Variants in YWHAQ observed in about 807,000 individuals in gnomAD.
The protein encoded by YWHAQ is 14-3-3 protein theta.
A neutral mutation model predicts 28.3 loss-of-function variants in YWHAQ; 6 were observed. The ratio of observed to expected loss-of-function variants is 0.21; its 90% CI spans 0.12 to 0.42. The LOEUF (loss-of-function observed/expected upper bound fraction) is 0.42. Among genes scored for constraint, YWHAQ ranks in the 10% least tolerant of loss-of-function variants. The probability of loss-of-function intolerance (pLI) is 1.00; values close to 1 mark genes in which losing one functional copy is unlikely to be tolerated. For missense variants in YWHAQ, 201 were observed against 305.6 expected, an observed-to-expected ratio of 0.66 and a Z score of 2.55; for synonymous variants, 143 against 119.1, an observed-to-expected ratio of 1.20 and a Z score of -1.31.
At chr2:9,607,236 T>C (rs1666849056) in intron 2 of YWHAQ, among the ~76,000 whole-genome samples, 1 of 150,540 alleles carries the variant, frequency 6.6e-6, no homozygotes, top group Admixed American at 6.6e-5. Context: ...GGTTTTGCTC[T>C]GTTGCCCAGG....
At chr2:9,628,322 T>C (rs1667288164) in intron 2 of YWHAQ, among the ~76,000 whole-genome samples, 1 of 152,224 alleles carries the variant, frequency 6.6e-6, no homozygotes, top group Non-Finnish European at 1.5e-5. Context: ...TTGTCCCCAT[T>C]GAAATGGTCT....
intron 2 of YWHAQ, among the ~76,000 whole-genome samples, chr2:9,610,798 G>A (rs949905703): frequency 5.9e-5 from 9 of 152,072 alleles, no homozygotes; most frequent in Admixed American, 3.3e-4. Flanking sequence ...ATGAGCCACC[G>A]CACCCTGCCT....
At chr2:9,606,129 A>G (rs1034359155) in intron 2 of YWHAQ, among the ~76,000 whole-genome samples, 4 of 152,170 alleles carry the variant, frequency 2.6e-5, no homozygotes, top group Non-Finnish European at 2.9e-5. Flanking sequence ...ATTTCCAACT[A>G]TGCACCAAAT....
chr2:9,604,147 C>A (rs180888045), intron 2 of YWHAQ, among the ~76,000 whole-genome samples: 5 of 151,966 alleles, frequency 3.3e-5, no homozygotes, highest in Admixed American at 3.3e-4. Flanking sequence ...ACTGAGAGAA[C>A]GGGTATATAC....
chr2:9,597,951 C>T (rs942792897), intron 2 of YWHAQ, among the ~76,000 whole-genome samples: 18 of 145,360 alleles, frequency 1.2e-4, no homozygotes, highest in Admixed American at 2.1e-4. Context: ...TCCCGAGTAA[C>T]TGGGACTACA....
chr2:9,584,024 C>T lies in YWHAQ; in HGVS notation c.*1262G>A, dbSNP rs1383730142. On this transcript the variant is annotated 3_prime_UTR_variant, in exon 6 of 6. Coordinates refer to ENST00000238081, the MANE Select transcript of YWHAQ (RefSeq NM_006826.4). ...TTCCATATAACACTTAACCAGATAT[C>T]ATTTACATCTGAGGAAGAGATGGCC... 1.3e-5 allele frequency: 2 copies of T among 152,288 alleles called. No individual in the cohort carries two copies. Among genetic ancestry groups the T allele is most frequent in the Admixed American group, 6.5e-5 (1 of 15,284 alleles). The allele number at this position is 152,288 out of a possible 1,614,324, so 9.4% of individuals were successfully genotyped here. A position where few individuals can be genotyped will look rare whatever the true frequency, so the allele number is the denominator to read the frequency against.
chr2:9,587,330 C>T, intron 5 of YWHAQ, 84 bp downstream of exon 5: 1 of 1,222,658 alleles, frequency 8.2e-7, no homozygotes, highest in Non-Finnish European at 1.2e-6. Context: ...TATGTATCTT[C>T]CCTAAAAGAC....
At chr2:9,598,680 C>T (rs1274743498) in intron 2 of YWHAQ, among the ~76,000 whole-genome samples, 1 of 152,172 alleles carries the variant, frequency 6.6e-6, no homozygotes, top group African/African-American at 2.4e-5. Context: ...TACCAGAATG[C>T]ATGCCCACAC....
intron 2 of YWHAQ, among the ~76,000 whole-genome samples, chr2:9,628,380 G>GT: frequency 6.6e-6 from 1 of 152,042 alleles, no homozygotes; most frequent in Non-Finnish European, 1.5e-5. Context: ...CTCAAGCTAC[G>GT]TATCAACTAA....
rs1667336335 is a variant in YWHAQ, at chr2:9,630,254, G to C, written c.199C>G (p.Gln67Glu). The stretch of plus-strand genomic sequence containing the variant: ...TTCTTGTCGGAGGTGTCGGTCTTCT[G>C]CTCGATGCTAGAGATGACCCTCCAG... ...SAWRVISSIEQKTDTSDKKLQ... is the reference protein window; with the variant it reads ...SAWRVISSIEEKTDTSDKKLQ... Residue 67 changes from glutamine (Q) to glutamate (E), a missense_variant, in exon 2 of 6, where the codon CAG (glutamine) becomes GAG (glutamate). This residue lies in a region of YWHAQ where 162 missense variants were observed against 213.9 expected (regional missense o/e 0.76). Transcript: ENST00000238081. This position sits in a 1 kb window ranked among gnomAD's most constrained non-coding sequence, Gnocchi z 5.6. 6.2e-7 allele frequency: 1 copy of C among 1,614,180 alleles called. No homozygotes were observed. Among genetic ancestry groups the C allele is most frequent in the Non-Finnish European group, 8.5e-7 (1 of 1,180,046 alleles).
chr2:9,610,176 T>A (rs1165356726), intron 2 of YWHAQ, among the ~76,000 whole-genome samples: 1 of 152,228 alleles, frequency 6.6e-6, no homozygotes, highest in Non-Finnish European at 1.5e-5. Flanking sequence ...TAATCAAGGA[T>A]CCTAAATATT....
In YWHAQ at chr2:9,630,023, C is replaced by A. The variant is rs1432570892; in HGVS notation, c.294+136G>T. ...AACCGGAGGGACACAGTAGGGAAGTCAGGGCTCACCTAAAACCCTCCACCC... is the reference window on the plus strand; with the variant it reads ...AACCGGAGGGACACAGTAGGGAAGTAAGGGCTCACCTAAAACCCTCCACCC... On this transcript the variant is annotated intron_variant, in intron 2 of 5. Transcript: ENST00000238081. The surrounding 1 kb of genome is among the most constrained non-coding windows in gnomAD (Gnocchi z 5.6). 4 of 1,154,020 alleles carry A rather than the reference C, an allele frequency of 3.5e-6. No homozygotes were observed. Among genetic ancestry groups the A allele is most frequent in the Non-Finnish European group, 4.8e-6 (4 of 826,740 alleles). 71.5% of individuals were successfully genotyped at this position (1,154,020 alleles called of 1,614,324 possible).
chr2:9,602,847 AAAAAAAAAAAAAAAAATATATATAT>A (rs1192956091), intron 2 of YWHAQ, among the ~76,000 whole-genome samples: 292 of 23,426 alleles, frequency 0.012, no homozygotes, highest in Middle Eastern at 0.025. Flanking sequence ...AAAAAAAAAA[AAAAAAAAAAAAAAAAATATATATAT>A]ATATATATAT....
intron 2 of YWHAQ, among the ~76,000 whole-genome samples, chr2:9,623,271 G>C (rs1667178868): frequency 6.6e-6 from 1 of 152,224 alleles, no homozygotes; most frequent in Admixed American, 6.5e-5. Flanking sequence ...AAAGGGTTAG[G>C]GGAAATGAAT....
intron 2 of YWHAQ, among the ~76,000 whole-genome samples, chr2:9,597,613 CAA>C (rs1222753102): frequency 1.8e-5 from 1 of 56,354 alleles, no homozygotes; most frequent in East Asian, 5.1e-4. Context: ...CCTGCCTGGG[CAA>C]AAGAGCGAAA....
chr2:9,621,718 C>T (rs1667146227), intron 2 of YWHAQ, among the ~76,000 whole-genome samples: 1 of 152,110 alleles, frequency 6.6e-6, no homozygotes, highest in African/African-American at 2.4e-5. Context: ...ATCCATTCTA[C>T]TATAAAGACA....
chr2:9,623,720 C>T (rs1667190835), intron 2 of YWHAQ, among the ~76,000 whole-genome samples: 1 of 152,084 alleles, frequency 6.6e-6, no homozygotes, highest in Non-Finnish European at 1.5e-5. Flanking sequence ...TGAGGTGAAC[C>T]AAGATTGCGC....
At chr2:9,585,437 G>GTAAA (rs1170789153) in intron 5 of YWHAQ, 92 bp from the exon 6 acceptor site, 4 of 1,399,088 alleles carry the variant, frequency 2.9e-6, no homozygotes, top group Non-Finnish European at 3.0e-6. Flanking sequence ...TACAAGAGTA[G>GTAAA]TAAATTCCTC....
intron 2 of YWHAQ, among the ~76,000 whole-genome samples, chr2:9,622,509 G>A (rs1172591351): frequency 6.6e-6 from 1 of 152,098 alleles, no homozygotes; most frequent in African/African-American, 2.4e-5. Context: ...TTAGAATAAA[G>A]CTGTTATTAA....
Sources: gnomAD v4.1 joint callset for allele counts (sites outside exome capture counted in the v4.1 genomes callset) on GRCh38, gnomAD v4.1.1 for gene constraint, gnomAD v4.1.1 regional missense constraint, Gnocchi (gnomAD v3.1) non-coding constraint, MANE v1.5 for transcripts, NCBI Gene and HGNC (gene_info 2026-07-23, HGNC 2026-07-21) for gene names.